Variants in TRPM3 observed in about 807,000 individuals in gnomAD.
TRPM3 encodes the protein long transient receptor potential channel 3.
Under a neutral mutation model 181.2 loss-of-function variants are expected in TRPM3, and 77 were observed. The ratio of observed to expected loss-of-function variants is 0.42; its 90% CI spans 0.35 to 0.51. The LOEUF is 0.51. Among genes scored for constraint, TRPM3 ranks in the 20% least tolerant of loss-of-function variants. The pLI, the probability that TRPM3 is intolerant of heterozygous loss-of-function variation, is 0.01. For synonymous variants in TRPM3, 745 were observed against 796.4 expected (o/e 0.94, Z 1.09); for missense variants, 1,759 against 2,196.7 (o/e 0.80, Z 3.98).
intron 9 of TRPM3, among the ~76,000 whole-genome samples, chr9:70,675,641 C>G (rs1026691470): frequency 6.6e-6 from 1 of 152,116 alleles, no homozygotes; most frequent in African/African-American, 2.4e-5. Context: ...TCATATATCT[C>G]TTGCTTAAAT....
intron 1 of TRPM3, among the ~76,000 whole-genome samples, chr9:71,091,584 C>G (rs1221155017): frequency 6.6e-6 from 1 of 152,050 alleles, no homozygotes; most frequent in Non-Finnish European, 1.5e-5. Flanking sequence ...AACGCAGATC[C>G]AGGGAGAGAA....
chr9:71,121,671 G>A (rs986824501), upstream of TRPM3: 14 of 1,105,274 alleles, frequency 1.3e-5, no homozygotes, highest in Middle Eastern at 3.8e-4. Context: ...TCAGGCGTTG[G>A]GGGGGAACCG....
rs372219746 is a variant in TRPM3, at chr9:71,146,781, A to T, written c.184-282270T>A. Among the ~76,000 whole-genome samples, 6 of 152,296 alleles carry T rather than the reference A, an allele frequency of 3.9e-5. No individual in the cohort carries two copies. The East Asian group carries it at 1.2e-3, about 29-fold the overall frequency. Reference sequence around the variant, plus strand: ...CTTCTTGAAGATCTCAGCAGCTGGTAGCTTTTCATAATTTATTAATACCAC... The same window carrying T: ...CTTCTTGAAGATCTCAGCAGCTGGTTGCTTTTCATAATTTATTAATACCAC... On this transcript the variant is annotated intron_variant, in intron 1 of 24. Transcript: ENST00000357533.
chr9:71,239,022 G>A (rs183229447), intron 1 of TRPM3, among the ~76,000 whole-genome samples: 30 of 152,088 alleles, frequency 2.0e-4, no homozygotes, highest in African/African-American at 7.0e-4. Context: ...CAGATCAAAT[G>A]CATCTCTTGT....
intron 1 of TRPM3, among the ~76,000 whole-genome samples, chr9:71,437,534 C>G (rs1248450464): frequency 6.6e-6 from 1 of 152,032 alleles, no homozygotes; most frequent in African/African-American, 2.4e-5. Context: ...AGAACTGTAA[C>G]AGCAAGAATT....
At chr9:71,091,019 A>T (rs763267075) in intron 1 of TRPM3, among the ~76,000 whole-genome samples, 2 of 152,090 alleles carry the variant, frequency 1.3e-5, no homozygotes, top group Non-Finnish European at 2.9e-5. Context: ...CAGGCTTCAT[A>T]AAATTTACTG....
At position 71,431,901 on chromosome 9, in the gene TRPM3, T is replaced by G. The variant is rs1160934657; in HGVS notation, c.183+14752A>C. ...ACACCAAAGTCTACAGGATTTTCAT[T>G]ATGCTCTTTCACTTACTTCACACAC... On this transcript the variant is annotated intron_variant, in intron 1 of 24. Transcript: ENST00000357533. Among the ~76,000 whole-genome samples the G allele has an allele frequency of 3.9e-5, 6 of 152,198 alleles. No homozygotes were observed. The East Asian group carries it at 1.2e-3, about 29-fold the overall frequency.
At chr9:71,371,994 C>T (rs1252811563) in intron 1 of TRPM3, among the ~76,000 whole-genome samples, 1 of 152,132 alleles carries the variant, frequency 6.6e-6, no homozygotes, top group Non-Finnish European at 1.5e-5. Context: ...ATCCCCCCCA[C>T]AGGTGCCCAG....
At chr9:71,293,543 C>T (rs1157158483) in intron 1 of TRPM3, among the ~76,000 whole-genome samples, 1 of 150,578 alleles carries the variant, frequency 6.6e-6, no homozygotes, top group East Asian at 1.9e-4. Flanking sequence ...GTAGAAAGTT[C>T]AAAATTTTAT....
chr9:71,023,850 G>A (rs2097866386), intron 1 of TRPM3, among the ~76,000 whole-genome samples: 1 of 152,192 alleles, frequency 6.6e-6, no homozygotes, highest in Admixed American at 6.5e-5. Context: ...GCAGGAGGGA[G>A]AGAAGGCGTA....
intron 1 of TRPM3, among the ~76,000 whole-genome samples, chr9:71,197,451 C>T (rs1041354133): frequency 6.6e-6 from 1 of 152,106 alleles, no homozygotes; most frequent in Non-Finnish European, 1.5e-5. Flanking sequence ...GCCACACTGA[C>T]TTCCACAAGG....
intron 3 of TRPM3, among the ~76,000 whole-genome samples, chr9:70,850,246 T>A (rs1482124013): frequency 6.6e-6 from 1 of 152,166 alleles, no homozygotes. Flanking sequence ...CAGATATCTA[T>A]CAACAGAAAT....
chr9:71,331,810 G>GA, intron 1 of TRPM3, among the ~76,000 whole-genome samples: 1 of 20,352 alleles, frequency 4.9e-5, no homozygotes, highest in African/African-American at 1.5e-4. Context: ...GGAGAAAGAC[G>GA]AGGAGAGAGG....
rs115978380 is a variant in TRPM3, at chr9:70,845,568, G to A, written c.676+810C>T. Among the ~76,000 whole-genome samples, 629 of 152,212 alleles carry A rather than the reference G, an allele frequency of 4.1e-3. 9 individuals carry two copies. Among genetic ancestry groups the A allele is most frequent in the African/African-American group, 0.015 (609 of 41,538 alleles). ...GATAATGTGTTATTTAAAACTAACTGGTCCAGAGTTATGTTTAGAATATTC... is the reference window on the plus strand; with the variant it reads ...GATAATGTGTTATTTAAAACTAACTAGTCCAGAGTTATGTTTAGAATATTC... On this transcript the variant is annotated intron_variant, in intron 4 of 25. Transcript: ENST00000677713.
At chr9:70,814,232 T>C (rs2092455626) in intron 6 of TRPM3, among the ~76,000 whole-genome samples, 1 of 152,156 alleles carries the variant, frequency 6.6e-6, no homozygotes, top group Non-Finnish European at 1.5e-5. Context: ...ACGTTTTTCA[T>C]GGTGAGCACA....
At chr9:71,233,162 C>T (rs189141816) in intron 1 of TRPM3, among the ~76,000 whole-genome samples, 33 of 152,294 alleles carry the variant, frequency 2.2e-4, no homozygotes, top group African/African-American at 7.9e-4. Flanking sequence ...GAGACAATTG[C>T]ACTAATAAAC....
chr9:70,778,971 C>T (rs972676718), intron 7 of TRPM3, among the ~76,000 whole-genome samples: 6 of 152,208 alleles, frequency 3.9e-5, no homozygotes, highest in African/African-American at 1.4e-4. Context: ...CACGCTTTTG[C>T]CACATCTCTA....
intron 6 of TRPM3, among the ~76,000 whole-genome samples, chr9:70,787,018 G>A (rs577755169): frequency 4.6e-5 from 7 of 152,226 alleles, no homozygotes; most frequent in African/African-American, 1.7e-4. Flanking sequence ...AGGAAAGATG[G>A]CTGGAAACCT....
intron 1 of TRPM3, among the ~76,000 whole-genome samples, chr9:71,071,132 G>C (rs1217347866): frequency 6.6e-6 from 1 of 152,096 alleles, no homozygotes. Flanking sequence ...ATGTAGGTAT[G>C]AGTTAGTTTG....
Sources: gnomAD v4.1 joint callset for allele counts (sites outside exome capture counted in the v4.1 genomes callset) on GRCh38, gnomAD v4.1.1 for gene constraint, MANE v1.5 for transcripts, NCBI Gene and HGNC (gene_info 2026-07-23, HGNC 2026-07-21) for gene names.